SLC25A48: variants seen among roughly 807,000 people sequenced by gnomAD.
SLC25A48 encodes the protein solute carrier family 25 member 48, also known as CTC-321K16.1.
A neutral mutation model predicts 32.2 loss-of-function variants in SLC25A48; 29 were observed. That is an observed-to-expected ratio of 0.90 (90% CI 0.67 to 1.23). The LOEUF (loss-of-function observed/expected upper bound fraction) is 1.23. SLC25A48 is among the 50% of genes most tolerant of loss of function. The pLI, the probability that SLC25A48 is intolerant of heterozygous loss-of-function variation, is 0.00. For synonymous variants in SLC25A48, 164 were observed against 172.3 expected (o/e 0.95, Z 0.38); for missense variants, 399 against 422.7 (o/e 0.94, Z 0.49).
chr5:135,659,441 G>A (rs1746303430), intron 3 of SLC25A48, among the ~76,000 whole-genome samples: 1 of 152,138 alleles, frequency 6.6e-6, no homozygotes, highest in Admixed American at 6.5e-5. Context: ...CAGCATTTTG[G>A]TCAAAACTAT....
Position 135,723,374 on chromosome 5 carries a change from T to A in SLC25A48, c.-521+88418T>A, listed in dbSNP as rs367659722. 1.1e-3 allele frequency among the ~76,000 whole-genome samples: 55 copies of A among 50,850 alleles called. 1 individual carries two copies. The highest frequency in any genetic ancestry group is 1.0e-3 in the Non-Finnish European group (17 of 16,448). 33.4% of individuals were successfully genotyped at this position (50,850 alleles called of 152,430 possible). On this transcript the variant is annotated intron_variant, in intron 3 of 10. Coordinates refer to the SLC25A48 transcript ENST00000646290. ...GAGTCTGTCTCTCACTCTCTCTCTC[T>A]CTCTCTCACACACACACACACACAC... is the stretch of plus-strand genomic sequence containing the variant.
At chr5:135,679,354 C>T (rs78845897) in intron 3 of SLC25A48, among the ~76,000 whole-genome samples, 5,901 of 152,198 alleles carry the variant, frequency 0.039, 148 homozygotes, top group African/African-American at 0.071. Flanking sequence ...CTGCGAGGGC[C>T]GAGCTGGGCC....
intron 3 of SLC25A48, among the ~76,000 whole-genome samples, chr5:135,761,785 G>C (rs995963194): frequency 5.9e-5 from 9 of 152,204 alleles, no homozygotes; most frequent in Admixed American, 2.6e-4. Context: ...GGGTCGGTGA[G>C]ATGGAAGAGG....
chr5:135,860,793 C>G (rs1361308378), intron 4 of SLC25A48, among the ~76,000 whole-genome samples: 3 of 152,092 alleles, frequency 2.0e-5, no homozygotes, highest in Non-Finnish European at 4.4e-5. Flanking sequence ...GTGGTTCTGC[C>G]TCAGGATTGC....
chr5:135,837,180 G>A (rs1340253064), intron 1 of SLC25A48, among the ~76,000 whole-genome samples: 1 of 152,000 alleles, frequency 6.6e-6, no homozygotes, highest in Non-Finnish European at 1.5e-5. Context: ...CACTCACTAT[G>A]GGGGAAGCCA....
intron 3 of SLC25A48, among the ~76,000 whole-genome samples, chr5:135,643,112 C>T (rs1430690071): frequency 2.0e-5 from 3 of 152,178 alleles, no homozygotes; most frequent in South Asian, 2.1e-4. Flanking sequence ...GTATGTCAGC[C>T]GTCCCGTCAC....
intron 1 of SLC25A48, among the ~76,000 whole-genome samples, chr5:135,583,291 G>A (rs573983048): frequency 2.6e-5 from 4 of 152,038 alleles, no homozygotes; most frequent in Admixed American, 2.6e-4. Context: ...GAAGTCTCTG[G>A]GAAGAGGAGG....
At chr5:135,869,593 G>A (rs190732552) in intron 4 of SLC25A48, among the ~76,000 whole-genome samples, 30 of 152,330 alleles carry the variant, frequency 2.0e-4, no homozygotes, top group Middle Eastern at 3.4e-3. Flanking sequence ...CCTGGGTCAA[G>A]TCAGTTTTGC....
intron 1 of SLC25A48, among the ~76,000 whole-genome samples, chr5:135,602,443 T>C (rs1751819841): frequency 6.6e-6 from 1 of 152,204 alleles, no homozygotes. Context: ...AATGGTTTGG[T>C]CATCTCTACT....
intron 3 of SLC25A48, among the ~76,000 whole-genome samples, chr5:135,850,764 T>C (rs777068518): frequency 2.0e-5 from 3 of 152,154 alleles, no homozygotes; most frequent in South Asian, 2.1e-4. Context: ...GGAGCTGCAG[T>C]GTGGAAAATT....
At chr5:135,787,083 C>T (rs1009826121) in intron 3 of SLC25A48, among the ~76,000 whole-genome samples, 8 of 151,472 alleles carry the variant, frequency 5.3e-5, no homozygotes, top group African/African-American at 1.5e-4. Flanking sequence ...TGGTATTATT[C>T]GTAGAATCCT....
At chr5:135,700,549 C>T (rs1754371121) in intron 3 of SLC25A48, among the ~76,000 whole-genome samples, 1 of 152,148 alleles carries the variant, frequency 6.6e-6, no homozygotes, top group African/African-American at 2.4e-5. Context: ...CTGGGAGAGG[C>T]CCCCACGGGC....
intron 3 of SLC25A48, among the ~76,000 whole-genome samples, chr5:135,684,361 G>A (rs768158133): frequency 1.3e-4 from 20 of 152,062 alleles, no homozygotes; most frequent in South Asian, 2.1e-4. Flanking sequence ...ACCTAGACTC[G>A]GAGATTGAGA....
intron 3 of SLC25A48, among the ~76,000 whole-genome samples, chr5:135,666,262 A>G (rs770395721): frequency 3.3e-5 from 5 of 152,220 alleles, no homozygotes; most frequent in Non-Finnish European, 7.3e-5. Context: ...TGGTGAGACT[A>G]TGTATTTAAG....
At chr5:135,777,084 C>A (rs1158913929) in intron 3 of SLC25A48, among the ~76,000 whole-genome samples, 1 of 151,830 alleles carries the variant, frequency 6.6e-6, no homozygotes, top group Non-Finnish European at 1.5e-5. Context: ...GTTGTACATT[C>A]TCCCTGTGAT....
At chr5:135,876,128 C>CTTTTTTTTTTTTTTTTT (rs1402681382) in intron 6 of SLC25A48, 3 of 47,864 alleles carry the variant, frequency 6.3e-5, no homozygotes, top group African/African-American at 7.8e-5. Flanking sequence ...TTTTTTTCTT[C>CTTTTTTTTTTTTTTTTT]TTCTTTTTTT....
Position 135,631,804 on chromosome 5 carries a change from G to A in SLC25A48, c.-709+2428G>A, listed in dbSNP as rs1432539108. 7.2e-5 allele frequency among the ~76,000 whole-genome samples: 11 copies of A among 152,176 alleles called. No individual in the cohort carries two copies. In the South Asian group the frequency reaches 1.9e-3, roughly 26 times the overall value. On this transcript the variant is annotated intron_variant, in intron 2 of 10. Transcript: ENST00000646290. ...GTTGCTTTGCAATTTATCCCTATAC[G>A]GAGGACTGCCACATGATTTAAAGAG...
At chr5:135,808,673 G>A (rs1419414566) in intron 3 of SLC25A48, among the ~76,000 whole-genome samples, 3 of 152,068 alleles carry the variant, frequency 2.0e-5, no homozygotes, top group East Asian at 1.9e-4. Context: ...GTAAGATGTC[G>A]GTGTCAAGTC....
At chr5:135,744,745 T>A (rs1389936983) in intron 3 of SLC25A48, among the ~76,000 whole-genome samples, 1 of 152,032 alleles carries the variant, frequency 6.6e-6, no homozygotes, top group Non-Finnish European at 1.5e-5. Flanking sequence ...TTGAACTCCT[T>A]CAAGATTCTC....
Sources: gnomAD v4.1 joint callset for allele counts (sites outside exome capture counted in the v4.1 genomes callset) on GRCh38, gnomAD v4.1.1 for gene constraint, MANE v1.5 for transcripts, NCBI Gene and HGNC (gene_info 2026-07-23, HGNC 2026-07-21) for gene names.